The following TUSC3 variants were observed in gnomAD, a reference collection of about 807,000 sequenced individuals.
TUSC3 encodes tumor suppressor candidate 3.
Under a neutral mutation model 44.8 loss-of-function variants are expected in TUSC3, and 45 were observed. That is an observed-to-expected ratio of 1.00 (90% CI 0.79 to 1.29). The LOEUF is 1.29. Ranked by LOEUF, TUSC3 falls within the 50% of genes most tolerant of loss-of-function variation. The pLI is 0.00. For synonymous variants in TUSC3, 212 were observed against 152.9 expected (o/e 1.39, Z -2.85); for missense variants, 519 against 437.9 (o/e 1.19, Z -1.65).
intron 6 of TUSC3, among the ~76,000 whole-genome samples, chr8:15,701,622 G>A (rs1809411342): frequency 1.3e-5 from 2 of 152,116 alleles, no homozygotes; most frequent in Admixed American, 1.3e-4. Context: ...AAAGCCAAAT[G>A]TATTAGAATT....
chr8:15,733,440 C>A lies in TUSC3; in HGVS notation c.862+2711C>A, dbSNP rs922870598. 4.8e-5 allele frequency: 18 copies of A among 374,696 alleles called. 1 individual carries two copies. In the Admixed American group the frequency reaches 5.1e-4, roughly 11 times the overall value. 23.2% of individuals were successfully genotyped at this position (374,696 alleles called of 1,614,324 possible). A position where few individuals can be genotyped will look rare whatever the true frequency, so the allele number is the denominator to read the frequency against. The stretch of plus-strand genomic sequence containing the variant: ...GGATAAAGTGATGACTATCGAAACA[C>A]ATCAGGAATACCGAGCTGAAGGATG... On this transcript the variant is annotated intron_variant, in intron 7 of 10. Coordinates refer to ENST00000503731, the MANE Select transcript of TUSC3 (RefSeq NM_006765.4).
rs111715232 is a variant in TUSC3, at chr8:15,521,773, A to G, written n.189+38290A>G. On this transcript the variant is annotated intron_variant and non_coding_transcript_variant, in intron 2 of 5. Transcript: ENST00000503191. Reference sequence around the variant, plus strand: ...AATGTGTCTCAGAACTGATACCTCCATTTGGCCATTGGCTCCTCTTTCTTA... The same window carrying G: ...AATGTGTCTCAGAACTGATACCTCCGTTTGGCCATTGGCTCCTCTTTCTTA... Among the ~76,000 whole-genome samples the G allele has an allele frequency of 8.6e-3, 1,308 of 152,222 alleles. 13 individuals are homozygous for G. The highest frequency in any genetic ancestry group is 0.03 in the African/African-American group (1,248 of 41,558).
At chr8:15,522,012 G>A (rs149767727) in intron 2 of TUSC3, among the ~76,000 whole-genome samples, 1 of 152,312 alleles carries the variant, frequency 6.6e-6, no homozygotes, top group African/African-American at 2.4e-5. Context: ...GAAATGAGAA[G>A]CATGTTACAA....
intron 1 of TUSC3, among the ~76,000 whole-genome samples, chr8:15,428,206 G>A (rs36191365): frequency 6.9e-6 from 1 of 145,528 alleles, no homozygotes. Context: ...ACCTATGAGT[G>A]AGAACATGTG....
rs1198582361 is a variant in TUSC3 at position 15,659,563 on chromosome 8, G to C, written c.483G>C (p.Lys161Asn). Residue 161 changes from lysine to asparagine, a missense_variant, in exon 4 of 11, where the codon AAG becomes AAC. Lys to Asn is a moderately conservative substitution (Grantham distance 94). Coordinates refer to ENST00000503731, the MANE Select transcript of TUSC3 (RefSeq NM_006765.4). ...FMHFPPKGRP[K>N]RADTFDLQRI... The stretch of plus-strand genomic sequence containing the variant: ...ATTTTCCTCCAAAAGGCAGACCTAA[G>C]AGAGCTGATACTTTTGACCTCCAAA... 1 of 1,613,346 alleles carries C rather than the reference G, an allele frequency of 6.2e-7. No individual in the cohort carries two copies.
At chr8:15,740,094 A>T (rs996000256) in intron 7 of TUSC3, among the ~76,000 whole-genome samples, 15 of 151,714 alleles carry the variant, frequency 9.9e-5, no homozygotes, top group African/African-American at 2.4e-4. Flanking sequence ...ATTTTATAAT[A>T]AAAAAAAATC....
chr8:15,686,614 C>A (rs1216390137), intron 6 of TUSC3, among the ~76,000 whole-genome samples: 1 of 151,696 alleles, frequency 6.6e-6, no homozygotes, highest in Non-Finnish European at 1.5e-5. Context: ...TGCTATCATC[C>A]CATTTTTTAA....
chr8:15,750,087 C>T (rs1434118166), intron 9 of TUSC3, among the ~76,000 whole-genome samples: 1 of 150,776 alleles, frequency 6.6e-6, no homozygotes, highest in Non-Finnish European at 1.5e-5. Flanking sequence ...TCACTCCATT[C>T]TCCTGCCTCA....
At chr8:15,469,659 G>C (rs1800459050) in intron 1 of TUSC3, among the ~76,000 whole-genome samples, 1 of 152,180 alleles carries the variant, frequency 6.6e-6, no homozygotes, top group African/African-American at 2.4e-5. Flanking sequence ...TTACCCAAAT[G>C]AATTGAAAAC....
intron 7 of TUSC3, among the ~76,000 whole-genome samples, chr8:15,733,924 G>C (rs974356347): frequency 7.9e-5 from 12 of 152,064 alleles, no homozygotes; most frequent in Admixed American, 7.9e-4. Context: ...TACACCTGTG[G>C]TTCTAGCTAC....
rs1219152263 is a variant in TUSC3, at chr8:15,498,766, C to T, written n.189+15283C>T. Among the ~76,000 whole-genome samples, 3 of 152,218 alleles carry T rather than the reference C, an allele frequency of 2.0e-5. No individual in the cohort carries two copies. The East Asian group carries it at 5.8e-4, about 29-fold the overall frequency. On this transcript the variant is annotated intron_variant and non_coding_transcript_variant, in intron 2 of 5. Coordinates refer to the TUSC3 transcript ENST00000503191. Reference sequence around the variant, plus strand: ...TTTCCTTGAAATAAGGGTTTTCTTCCTTCCTGCTGACCCAGTTGACATGTA... The same window carrying T: ...TTTCCTTGAAATAAGGGTTTTCTTCTTTCCTGCTGACCCAGTTGACATGTA...
chr8:15,607,308 A>T (rs1430498237), intron 1 of TUSC3, among the ~76,000 whole-genome samples: 1 of 152,126 alleles, frequency 6.6e-6, no homozygotes, highest in South Asian at 2.1e-4. Context: ...GATGGTAGAG[A>T]CAGTTCTAGG....
chr8:15,613,204 A>G (rs190588060), intron 1 of TUSC3, among the ~76,000 whole-genome samples: 4 of 150,282 alleles, frequency 2.7e-5, no homozygotes, highest in African/African-American at 7.3e-5. Flanking sequence ...TTTGGGGACA[A>G]TGGGATTCAT....
chr8:15,499,846 G>C (rs777968075), intron 2 of TUSC3, among the ~76,000 whole-genome samples: 20 of 152,048 alleles, frequency 1.3e-4, no homozygotes, highest in Non-Finnish European at 2.6e-4. Context: ...GCTTCCATAA[G>C]TGTATGAGCC....
At chr8:15,438,741 A>C (rs929153659) in intron 1 of TUSC3, among the ~76,000 whole-genome samples, 6 of 152,200 alleles carry the variant, frequency 3.9e-5, no homozygotes, top group African/African-American at 1.4e-4. Context: ...ATTTAGTGCA[A>C]TTCTCAAATT....
At chr8:15,629,752 G>A (rs544163040) in intron 2 of TUSC3, among the ~76,000 whole-genome samples, 6 of 147,422 alleles carry the variant, frequency 4.1e-5, no homozygotes, top group Admixed American at 2.0e-4. Flanking sequence ...AAAAAAAAGC[G>A]AAATTTTCTT....
the TUSC3 span, among the ~76,000 whole-genome samples, chr8:15,805,269 G>T: frequency 6.6e-6 from 1 of 152,090 alleles, no homozygotes; most frequent in Non-Finnish European, 1.5e-5. Flanking sequence ...TAATCATTAA[G>T]TCTGCAAAGA....
chr8:15,458,551 A>T (rs1800294755), intron 1 of TUSC3, among the ~76,000 whole-genome samples: 1 of 152,142 alleles, frequency 6.6e-6, no homozygotes, highest in South Asian at 2.1e-4. Context: ...TGCTTATTTC[A>T]TTATTATAAA....
the TUSC3 span, among the ~76,000 whole-genome samples, chr8:15,797,201 T>C: frequency 2.6e-5 from 4 of 152,226 alleles, no homozygotes; most frequent in African/African-American, 9.6e-5. Flanking sequence ...TTCAGTTCGC[T>C]GAACAGCTTT....
Sources: gnomAD v4.1 joint callset for allele counts (sites outside exome capture counted in the v4.1 genomes callset) on GRCh38, gnomAD v4.1.1 for gene constraint, MANE v1.5 for transcripts, NCBI Gene and HGNC (gene_info 2026-07-23, HGNC 2026-07-21) for gene names.